The following ZNF438 variants were observed in gnomAD, a reference collection of about 807,000 sequenced individuals.
ZNF438 encodes the protein zinc finger protein 438.
ZNF438 carries 25 observed loss-of-function variants against 38.0 expected under a neutral mutation model. The observed-to-expected ratio is 0.66, with a 90% confidence interval of 0.48 to 0.92. The LOEUF (loss-of-function observed/expected upper bound fraction) is 0.92, where lower values mean the gene tolerates loss of function less well. ZNF438 is among the 40% of genes least tolerant of loss of function. The pLI, the probability that ZNF438 is intolerant of heterozygous loss-of-function variation, is 0.00. For synonymous variants in ZNF438, 372 were observed against 364.1 expected (o/e 1.02, Z -0.25); for missense variants, 1,007 against 999.6 (o/e 1.01, Z -0.10).
chr10:30,906,689 T>A (rs1437012876), intron 3 of ZNF438, among the ~76,000 whole-genome samples: 2 of 152,348 alleles, frequency 1.3e-5, no homozygotes, highest in East Asian at 1.9e-4. Context: ...TTAAGTATGA[T>A]GTTAGCTGTG....
At chr10:30,953,212 T>C (rs1003850898) in intron 1 of ZNF438, among the ~76,000 whole-genome samples, 3 of 145,604 alleles carry the variant, frequency 2.1e-5, no homozygotes, top group South Asian at 2.2e-4. Flanking sequence ...TGAGATCACA[T>C]GGACACAGGA....
intron 3 of ZNF438, among the ~76,000 whole-genome samples, chr10:30,904,838 C>G (rs112216428): frequency 6.6e-6 from 1 of 152,102 alleles, no homozygotes; most frequent in African/African-American, 2.4e-5. Flanking sequence ...TCCTTTGGAT[C>G]GCAAAGGAAA....
intron 1 of ZNF438, among the ~76,000 whole-genome samples, chr10:30,988,564 T>G (rs993950142): frequency 6.6e-6 from 1 of 152,108 alleles, no homozygotes; most frequent in Non-Finnish European, 1.5e-5. Flanking sequence ...GTACAAATTA[T>G]AGCTAAGAAA....
chr10:30,935,510 A>T (rs1299163256), intron 2 of ZNF438, among the ~76,000 whole-genome samples: 2 of 152,216 alleles, frequency 1.3e-5, no homozygotes, highest in Admixed American at 6.5e-5. Context: ...CAGAGCAAGG[A>T]GGGTGCCAAG....
At chr10:30,886,772 C>T (rs2040001032) in intron 3 of ZNF438, among the ~76,000 whole-genome samples, 1 of 152,186 alleles carries the variant, frequency 6.6e-6, no homozygotes, top group African/African-American at 2.4e-5. Context: ...AACTAAGGTA[C>T]ATCAGGGACT....
At chr10:30,912,977 A>C (rs970524225) in intron 2 of ZNF438, among the ~76,000 whole-genome samples, 2 of 151,992 alleles carry the variant, frequency 1.3e-5, no homozygotes, top group African/African-American at 4.8e-5. Flanking sequence ...AATACAACAT[A>C]TCTGTTGGGA....
At chr10:30,899,373 T>C (rs2041730213) in intron 3 of ZNF438, among the ~76,000 whole-genome samples, 2 of 152,206 alleles carry the variant, frequency 1.3e-5, no homozygotes, top group Non-Finnish European at 2.9e-5. Flanking sequence ...TTTGCCTAAA[T>C]GATTCGTGTG....
chr10:30,986,606 G>T (rs1042535387), intron 1 of ZNF438, among the ~76,000 whole-genome samples: 29 of 152,134 alleles, frequency 1.9e-4, no homozygotes, highest in African/African-American at 6.8e-4. Flanking sequence ...CCCTTACCCT[G>T]AAATGTTTGG....
At chr10:30,920,602 AAT>A (rs2044182342) in intron 2 of ZNF438, 1 of 152,178 alleles carries the variant, frequency 6.6e-6, no homozygotes. Flanking sequence ...TCTCCCTGGG[AAT>A]ATGAGTTGGT....
At chr10:30,884,139 C>T (rs2039640978) in intron 3 of ZNF438, among the ~76,000 whole-genome samples, 2 of 151,764 alleles carry the variant, frequency 1.3e-5, no homozygotes, top group South Asian at 4.1e-4. Flanking sequence ...AGAGGAGTGC[C>T]ATCAAAATAA....
At chr10:30,993,991 C>T (rs1176035446) in intron 1 of ZNF438, among the ~76,000 whole-genome samples, 1 of 152,216 alleles carries the variant, frequency 6.6e-6, no homozygotes, top group East Asian at 1.9e-4. Flanking sequence ...TAATTTTTTC[C>T]TGTTCCTCCC....
In ZNF438 at chr10:30,924,909, C is replaced by A. The variant is rs538552029; in HGVS notation, c.-114-15894G>T. ...AATATTAGTATATAAATGTTAATTTCTTAGTTTTGATAAATATACTACGGC... is the reference window on the plus strand; with the variant it reads ...AATATTAGTATATAAATGTTAATTTATTAGTTTTGATAAATATACTACGGC... On this transcript the variant is annotated intron_variant, in intron 2 of 5. Coordinates refer to ENST00000413025, the Ensembl canonical transcript of ZNF438. Among the ~76,000 whole-genome samples, 13 of 152,234 alleles carry A rather than the reference C, an allele frequency of 8.5e-5. No individual in the cohort carries two copies. In the South Asian group the frequency reaches 2.1e-3, roughly 24 times the overall value.
At chr10:30,935,904 T>C (rs2046203051) in intron 2 of ZNF438, among the ~76,000 whole-genome samples, 1 of 151,756 alleles carries the variant, frequency 6.6e-6, no homozygotes. Context: ...TCCCACCAGG[T>C]CTCTCCTTAG....
At chr10:31,013,318 C>CAA (rs755922273) in intron 1 of ZNF438, among the ~76,000 whole-genome samples, 5 of 143,024 alleles carry the variant, frequency 3.5e-5, no homozygotes, top group East Asian at 4.1e-4. Flanking sequence ...GACTCCGTCT[C>CAA]AAAAAAAAAA....
chr10:30,906,949 T>A (rs2042643364), intron 3 of ZNF438, among the ~76,000 whole-genome samples: 1 of 152,212 alleles, frequency 6.6e-6, no homozygotes, highest in Non-Finnish European at 1.5e-5. Flanking sequence ...GTCACTAGAT[T>A]TAATTTTCCA....
chr10:30,923,234 T>G (rs539810769), intron 2 of ZNF438: 24 of 152,340 alleles, frequency 1.6e-4, no homozygotes, highest in African/African-American at 5.5e-4. Context: ...CACTGACATT[T>G]TAAAGCTCAG....
intron 2 of ZNF438, among the ~76,000 whole-genome samples, chr10:30,940,441 T>C (rs990227459): frequency 6.6e-6 from 1 of 151,636 alleles, no homozygotes; most frequent in African/African-American, 2.4e-5. Context: ...TTGCACAGGG[T>C]TTCAACGTGC....
intron 1 of ZNF438, among the ~76,000 whole-genome samples, chr10:30,945,421 T>A (rs151020284): frequency 0.012 from 1,816 of 151,910 alleles, 42 homozygotes; most frequent in African/African-American, 0.041. Flanking sequence ...TACTTTTTTT[T>A]ATTATACTTT....
intron 4 of ZNF438, chr10:30,875,659 C>T: frequency 2.3e-6 from 2 of 880,120 alleles, no homozygotes; most frequent in Non-Finnish European, 2.7e-6. Context: ...GTTTGCCCAT[C>T]TCCTTTCTTG....
Sources: gnomAD v4.1 joint callset for allele counts (sites outside exome capture counted in the v4.1 genomes callset) on GRCh38, gnomAD v4.1.1 for gene constraint, MANE v1.5 for transcripts, NCBI Gene and HGNC (gene_info 2026-07-23, HGNC 2026-07-21) for gene names.